NRXN3: variants seen among roughly 807,000 people sequenced by gnomAD.
NRXN3 encodes neurexin 3.
A neutral mutation model predicts 137.6 loss-of-function variants in NRXN3; 32 were observed. That is an observed-to-expected ratio of 0.23 (90% CI 0.18 to 0.31). The LOEUF (loss-of-function observed/expected upper bound fraction) is 0.31, where lower values mean the gene tolerates loss of function less well. Ranked by LOEUF, NRXN3 falls within the 10% of genes least tolerant of loss-of-function variation. NRXN3 has a pLI of 1.00. For synonymous variants in NRXN3, 798 were observed against 784.5 expected, an observed-to-expected ratio of 1.02 and a Z score of -0.29; for missense variants, 1,574 against 2,062.5, an observed-to-expected ratio of 0.76 and a Z score of 4.59.
At chr14:79,211,066 C>A (rs886819163) in intron 15 of NRXN3, among the ~76,000 whole-genome samples, 9 of 152,082 alleles carry the variant, frequency 5.9e-5, no homozygotes, top group Non-Finnish European at 1.2e-4. Context: ...TTTCTTTGGA[C>A]AAGTATGTTA....
chr14:78,933,595 A>G (rs28451628), intron 10 of NRXN3, among the ~76,000 whole-genome samples: 4,170 of 152,296 alleles, frequency 0.027, 198 homozygotes, highest in African/African-American at 0.095. Flanking sequence ...GTACAACATG[A>G]TGCTTCGAAG....
intron 15 of NRXN3, among the ~76,000 whole-genome samples, chr14:79,035,393 G>A (rs2099614375): frequency 6.6e-6 from 1 of 151,904 alleles, no homozygotes; most frequent in African/African-American, 2.4e-5. Flanking sequence ...TATAAAACGT[G>A]CCATATTTGG....
intron 16 of NRXN3, among the ~76,000 whole-genome samples, chr14:79,550,045 C>G (rs2097359359): frequency 6.6e-6 from 1 of 152,082 alleles, no homozygotes; most frequent in Non-Finnish European, 1.5e-5. Flanking sequence ...TCTCGGCTCA[C>G]TGCAACCTCC....
At chr14:78,949,580 G>T (rs2099382846) in intron 10 of NRXN3, among the ~76,000 whole-genome samples, 1 of 149,018 alleles carries the variant, frequency 6.7e-6, no homozygotes, top group African/African-American at 2.6e-5. Flanking sequence ...ACCTCAAAGG[G>T]CATAGAAGTG....
At chr14:78,606,283 A>G (rs1299893835) in intron 4 of NRXN3, among the ~76,000 whole-genome samples, 2 of 152,238 alleles carry the variant, frequency 1.3e-5, no homozygotes, top group East Asian at 3.8e-4. Flanking sequence ...ATTCCTCTGT[A>G]GTCATATGGC....
At chr14:78,645,018 A>G in intron 4 of NRXN3, 102 bp from the exon 5 acceptor site, 1 of 1,029,084 alleles carries the variant, frequency 9.7e-7, no homozygotes, top group Non-Finnish European at 1.4e-6. Context: ...TATCAGCACA[A>G]GAACGGGGCA....
chr14:78,478,421 T>G (rs1194152200), intron 4 of NRXN3, among the ~76,000 whole-genome samples: 1 of 152,182 alleles, frequency 6.6e-6, no homozygotes, highest in Non-Finnish European at 1.5e-5. Context: ...TCATTTTCTC[T>G]TTAATGATAG....
chr14:78,690,049 G>A (rs1386533135), intron 6 of NRXN3, among the ~76,000 whole-genome samples: 4 of 152,038 alleles, frequency 2.6e-5, no homozygotes, highest in Non-Finnish European at 2.9e-5. Context: ...AAACCCAGTC[G>A]TTCCTTAGGC....
chr14:78,187,035 T>G (rs1397037505), intron 1 of NRXN3, among the ~76,000 whole-genome samples: 1 of 152,126 alleles, frequency 6.6e-6, no homozygotes, highest in African/African-American at 2.4e-5. Flanking sequence ...AGCCCTAAGG[T>G]GACAGTGAGC....
chr14:78,215,967 T>A (rs1025013923), intron 1 of NRXN3, among the ~76,000 whole-genome samples: 5 of 152,324 alleles, frequency 3.3e-5, no homozygotes, highest in Admixed American at 1.3e-4. Context: ...GCTCTGTGTG[T>A]AATGATAACA....
At chr14:79,133,251 T>G (rs1053903429) in intron 15 of NRXN3, among the ~76,000 whole-genome samples, 5 of 152,212 alleles carry the variant, frequency 3.3e-5, no homozygotes, top group African/African-American at 1.2e-4. Context: ...AAGTCTGTCC[T>G]CTTAGGCCAT....
At chr14:78,186,627 T>C (rs2153365647) in intron 1 of NRXN3, among the ~76,000 whole-genome samples, 1 of 152,356 alleles carries the variant, frequency 6.6e-6, no homozygotes, top group East Asian at 1.9e-4. Flanking sequence ...ACGCTTTTTG[T>C]TTCTGCTCCT....
chr14:78,421,786 T>C (rs2093457735), intron 4 of NRXN3, among the ~76,000 whole-genome samples: 1 of 152,194 alleles, frequency 6.6e-6, no homozygotes, highest in Non-Finnish European at 1.5e-5. Context: ...AGCCTACCAA[T>C]GTGCTAGGAT....
At chr14:78,220,838 G>T (rs1190382887) in intron 1 of NRXN3, among the ~76,000 whole-genome samples, 2 of 152,046 alleles carry the variant, frequency 1.3e-5, no homozygotes, top group South Asian at 4.2e-4. Flanking sequence ...AGCCAGAGGG[G>T]AGAGAAGCAC....
intron 10 of NRXN3, among the ~76,000 whole-genome samples, chr14:78,845,231 A>G (rs1255227724): frequency 2.0e-5 from 3 of 152,088 alleles, no homozygotes; most frequent in Non-Finnish European, 4.4e-5. Flanking sequence ...ACACTCATCA[A>G]AAAATATGAC....
chr14:79,315,058 C>G (rs1027597473), intron 15 of NRXN3, among the ~76,000 whole-genome samples: 2 of 152,122 alleles, frequency 1.3e-5, no homozygotes, highest in Non-Finnish European at 2.9e-5. Flanking sequence ...CTTGGCAGCC[C>G]GTGAGTTACG....
intron 6 of NRXN3, among the ~76,000 whole-genome samples, chr14:78,657,682 A>G (rs555346142): frequency 6.6e-6 from 1 of 152,360 alleles, no homozygotes; most frequent in African/African-American, 2.4e-5. Flanking sequence ...TAATGGCTTA[A>G]TCTGTAATAA....
chr14:78,777,097 C>T (rs1203952569), intron 8 of NRXN3, among the ~76,000 whole-genome samples: 3 of 152,062 alleles, frequency 2.0e-5, no homozygotes, highest in Non-Finnish European at 2.9e-5. Flanking sequence ...ATCCAAAAGC[C>T]CTCATGTGGT....
At chr14:78,301,113 G>A (rs554031520) in intron 4 of NRXN3, among the ~76,000 whole-genome samples, 38 of 152,014 alleles carry the variant, frequency 2.5e-4, no homozygotes, top group African/African-American at 8.7e-4. Flanking sequence ...GAGAAAGGGA[G>A]AGAATTGGTG....
Sources: allele counts gnomAD v4.1 joint callset (sites outside exome capture counted in the v4.1 genomes callset), GRCh38; gene constraint gnomAD v4.1.1; transcripts MANE v1.5; gene names NCBI Gene and HGNC (gene_info 2026-07-23, HGNC 2026-07-21).